Variants in LRP1B observed in about 807,000 individuals in gnomAD.
LRP1B encodes the protein LDL receptor related protein 1B.
Under a neutral mutation model 556.6 loss-of-function variants are expected in LRP1B, and 217 were observed. The observed-to-expected ratio is 0.39, with a 90% confidence interval of 0.35 to 0.44. The LOEUF (loss-of-function observed/expected upper bound fraction) is 0.44. Among genes scored for constraint, LRP1B ranks in the 20% least tolerant of loss-of-function variants. The probability of loss-of-function intolerance (pLI) is 1.00; values close to 1 mark genes in which losing one functional copy is unlikely to be tolerated. For synonymous variants in LRP1B, 2,047 were observed against 1,865.8 expected (o/e 1.10, Z -2.50); for missense variants, 5,053 against 5,620.8 (o/e 0.90, Z 3.23).
At chr2:140,527,498 T>C (rs1690486733) in intron 47 of LRP1B, among the ~76,000 whole-genome samples, 1 of 151,956 alleles carries the variant, frequency 6.6e-6, no homozygotes, top group South Asian at 2.1e-4. Context: ...GTATGGTTCT[T>C]ATTATATTGA....
chr2:141,934,511 C>G, intron 1 of LRP1B, among the ~76,000 whole-genome samples: 1 of 152,244 alleles, frequency 6.6e-6, no homozygotes, highest in Admixed American at 6.5e-5. Flanking sequence ...TTGAAAAGTT[C>G]TTTAAAAAAT....
At chr2:140,625,790 A>G (rs749400618) in intron 41 of LRP1B, among the ~76,000 whole-genome samples, 2 of 152,208 alleles carry the variant, frequency 1.3e-5, no homozygotes, top group Non-Finnish European at 2.9e-5. Flanking sequence ...GTTAGGTGGT[A>G]CAGCCACTTT....
At chr2:141,934,897 G>T (rs142529056) in intron 1 of LRP1B, among the ~76,000 whole-genome samples, 93 of 152,186 alleles carry the variant, frequency 6.1e-4, no homozygotes, top group African/African-American at 2.1e-3. Context: ...TTCATTAGCA[G>T]CATGAAAACA....
At chr2:141,231,418 A>T (rs1404778828) in intron 5 of LRP1B, among the ~76,000 whole-genome samples, 1 of 152,128 alleles carries the variant, frequency 6.6e-6, no homozygotes, top group East Asian at 1.9e-4. Context: ...ATTAATTTCA[A>T]TAGGGGTGGT....
Position 141,574,184 on chromosome 2 carries a change from C to T in LRP1B, c.206-93651G>A, listed in dbSNP as rs530982409. Among the ~76,000 whole-genome samples the T allele has an allele frequency of 7.2e-5, 11 of 152,224 alleles. No individual in the cohort carries two copies. In the South Asian group the frequency reaches 8.3e-4, roughly 11 times the overall value. ...CCAATATCTCTGAAGAACATCAATG[C>T]GAAAATCCTCAATAAAACACTGCAA... On this transcript the variant is annotated intron_variant, in intron 2 of 90. Transcript: ENST00000389484.
At chr2:141,790,841 T>C (rs1695587508) in intron 2 of LRP1B, among the ~76,000 whole-genome samples, 2 of 151,960 alleles carry the variant, frequency 1.3e-5, no homozygotes, top group South Asian at 4.2e-4. Context: ...ATGAGTTCCT[T>C]GGTAACAAAG....
intron 33 of LRP1B, among the ~76,000 whole-genome samples, chr2:140,771,923 C>G (rs1206384625): frequency 6.6e-6 from 1 of 152,152 alleles, no homozygotes; most frequent in African/African-American, 2.4e-5. Flanking sequence ...AATACCAATG[C>G]AGCTCGTTAT....
At chr2:141,154,883 T>C (rs1702027167) in intron 7 of LRP1B, among the ~76,000 whole-genome samples, 1 of 151,974 alleles carries the variant, frequency 6.6e-6, no homozygotes, top group East Asian at 1.9e-4. Context: ...TTTTCTGTGT[T>C]TTCTCCTTTC....
intron 7 of LRP1B, among the ~76,000 whole-genome samples, chr2:141,153,366 A>G (rs1393229007): frequency 9.1e-6 from 1 of 110,128 alleles, no homozygotes; most frequent in African/African-American, 3.4e-5. Context: ...ATATATATTT[A>G]TATATAATAA....
chr2:140,985,530 T>C (rs1400016880), intron 17 of LRP1B, among the ~76,000 whole-genome samples: 3 of 151,746 alleles, frequency 2.0e-5, no homozygotes, highest in African/African-American at 7.3e-5. Flanking sequence ...ATTTCAAATC[T>C]AACTACTTTT....
intron 32 of LRP1B, among the ~76,000 whole-genome samples, chr2:140,787,187 T>A (rs1689935248): frequency 6.6e-6 from 1 of 152,210 alleles, no homozygotes; most frequent in Non-Finnish European, 1.5e-5. Context: ...TTATCCTTGC[T>A]CGCCTCCTAT....
intron 7 of LRP1B, among the ~76,000 whole-genome samples, chr2:141,101,760 T>C (rs971039241): frequency 6.6e-6 from 1 of 152,168 alleles, no homozygotes; most frequent in Admixed American, 6.6e-5. Flanking sequence ...TACTTTTCTG[T>C]AAACCCACGG....
intron 66 of LRP1B, among the ~76,000 whole-genome samples, chr2:140,406,424 T>C (rs1684740656): frequency 6.6e-6 from 1 of 152,074 alleles, no homozygotes; most frequent in Non-Finnish European, 1.5e-5. Context: ...ACCAATGATA[T>C]GATCAAATAC....
chr2:141,148,858 C>A (rs576460399), intron 7 of LRP1B, among the ~76,000 whole-genome samples: 1 of 151,970 alleles, frequency 6.6e-6, no homozygotes, highest in African/African-American at 2.4e-5. Context: ...CCGAGGCAGG[C>A]GGATCACTTG....
At chr2:140,663,174 A>T (rs1238363351) in intron 41 of LRP1B, among the ~76,000 whole-genome samples, 1 of 152,184 alleles carries the variant, frequency 6.6e-6, no homozygotes, top group Non-Finnish European at 1.5e-5. Context: ...GGTATTTGAC[A>T]TTCTGAAATT....
rs537555987 is a variant in LRP1B at position 140,548,156 on chromosome 2, A to T, written c.7195-6185T>A. On this transcript the variant is annotated intron_variant, in intron 43 of 90. Coordinates refer to ENST00000389484, the MANE Select transcript of LRP1B (RefSeq NM_018557.3). ...AAGATCATTTAGGTAGGCAAGTATT[A>T]TTGCAAATTGTATTCAGATATGAAG... is the stretch of plus-strand genomic sequence containing the variant. Among the ~76,000 whole-genome samples, 11 of 152,260 alleles carry T rather than the reference A, an allele frequency of 7.2e-5. No individual in the cohort carries two copies. The East Asian group carries it at 2.1e-3, about 29-fold the overall frequency.
chr2:141,562,899 C>T (rs980832880), intron 2 of LRP1B, among the ~76,000 whole-genome samples: 1 of 151,792 alleles, frequency 6.6e-6, no homozygotes, highest in Admixed American at 6.6e-5. Context: ...TCAAAGCACC[C>T]TGGAATATTA....
chr2:140,691,469 G>A (rs1418418400), intron 41 of LRP1B, among the ~76,000 whole-genome samples: 3 of 141,050 alleles, frequency 2.1e-5, no homozygotes, highest in African/African-American at 8.0e-5. Context: ...CCTGGGCAAC[G>A]AGAGCAAAAA....
chr2:141,347,642 G>A (rs1222536722), intron 3 of LRP1B, among the ~76,000 whole-genome samples: 1 of 151,872 alleles, frequency 6.6e-6, no homozygotes, highest in Non-Finnish European at 1.5e-5. Context: ...TTCATTTTCA[G>A]AAACTAAGGT....
Sources: gnomAD v4.1 joint callset for allele counts (sites outside exome capture counted in the v4.1 genomes callset) on GRCh38, gnomAD v4.1.1 for gene constraint, MANE v1.5 for transcripts, NCBI Gene and HGNC (gene_info 2026-07-23, HGNC 2026-07-21) for gene names.